The following RNF4 variants were observed in gnomAD, a reference collection of about 807,000 sequenced individuals.
RNF4 encodes E3 ubiquitin-protein ligase RNF4.
A neutral mutation model predicts 24.3 loss-of-function variants in RNF4; 7 were observed. That is an observed-to-expected ratio of 0.29 (90% CI 0.16 to 0.54). RNF4 has a LOEUF of 0.54. RNF4 is among the 20% of genes least tolerant of loss of function. The pLI is 0.95. For synonymous variants in RNF4, 83 were observed against 84.3 expected, an observed-to-expected ratio of 0.98 and a Z score of 0.09; for missense variants, 209 against 248.5, an observed-to-expected ratio of 0.84 and a Z score of 1.07.
At chr4:2,507,859 T>C (rs548656610) in intron 4 of RNF4, among the ~76,000 whole-genome samples, 3 of 152,212 alleles carry the variant, frequency 2.0e-5, no homozygotes, top group Non-Finnish European at 4.4e-5. Context: ...TTTTTTTTTT[T>C]CTTTTCTCTT....
chr4:2,492,313 G>A (rs182103120), intron 2 of RNF4, among the ~76,000 whole-genome samples: 199 of 152,258 alleles, frequency 1.3e-3, no homozygotes, highest in African/African-American at 4.6e-3. Flanking sequence ...CAGAGTGAGC[G>A]ACAATACCCA....
chr4:2,492,197 C>CAA (rs1211407930), intron 2 of RNF4, among the ~76,000 whole-genome samples: 2 of 122,294 alleles, frequency 1.6e-5, no homozygotes, highest in African/African-American at 6.1e-5. Context: ...GACTCCATCT[C>CAA]AAAAAAAAAA....
intron 1 of RNF4, among the ~76,000 whole-genome samples, chr4:2,483,944 AG>A (rs1735318807): frequency 6.6e-6 from 1 of 150,584 alleles, no homozygotes; most frequent in African/African-American, 2.4e-5. Flanking sequence ...CTCCTGCCTC[AG>A]GTTCCCGAGT....
chr4:2,476,512 C>T (rs1735079419), intron 1 of RNF4, among the ~76,000 whole-genome samples: 1 of 152,156 alleles, frequency 6.6e-6, no homozygotes, highest in Middle Eastern at 3.2e-3. Flanking sequence ...CCTGCCTCAG[C>T]CTCCTAAGGA....
rs752816338 is a variant in RNF4 at position 2,513,864 on chromosome 4, C to G, written c.*45C>G. ...GAGAGACGGATGGACAGACAGACAG[C>G]CAGGTTCTCCAGTGGTATCTGCCTC... is the stretch of plus-strand genomic sequence containing the variant. On this transcript the variant is annotated 3_prime_UTR_variant, in exon 8 of 8. Transcript: ENST00000314289. 1 of 1,610,018 alleles carries G rather than the reference C, an allele frequency of 6.2e-7. No individual in the cohort carries two copies. The highest frequency in any genetic ancestry group is 1.7e-5 in the Admixed American group (1 of 59,800).
At chr4:2,497,183 G>C in intron 3 of RNF4, 62 bp downstream of exon 3, 2 of 1,285,204 alleles carry the variant, frequency 1.6e-6, no homozygotes, top group Non-Finnish European at 2.2e-6. Context: ...CACTGTACCA[G>C]GGTGAGCTAG....
chr4:2,514,147 A>G lies in RNF4; in HGVS notation c.*328A>G, dbSNP rs370384434. The G allele has an allele frequency of 1.7e-4, 49 of 291,742 alleles. No individual in the cohort carries two copies. Among genetic ancestry groups the G allele is most frequent in the African/African-American group, 9.3e-4 (44 of 47,100 alleles). 18.1% of individuals were successfully genotyped at this position (291,742 alleles called of 1,614,324 possible). A position where few individuals can be genotyped will look rare whatever the true frequency, so the allele number is the denominator to read the frequency against. The stretch of plus-strand genomic sequence containing the variant: ...GCCAAGAAATTTTCCCTGTTTGGAA[A>G]GTTTGCCCCAGCTTTCCCGGGCACA... On this transcript the variant is annotated 3_prime_UTR_variant, in exon 8 of 8. Transcript: ENST00000314289.
At chr4:2,496,899 C>A in intron 2 of RNF4, 108 bp from the exon 3 acceptor site, 1 of 730,084 alleles carries the variant, frequency 1.4e-6, no homozygotes, top group Non-Finnish European at 2.2e-6. Context: ...TTCAAGTCTA[C>A]TCGCTGGCTT....
chr4:2,476,703 T>TC (rs1260391303), intron 1 of RNF4, among the ~76,000 whole-genome samples: 4 of 139,268 alleles, frequency 2.9e-5, no homozygotes, highest in Non-Finnish European at 6.2e-5. Flanking sequence ...TTTCTTTCTT[T>TC]CTTTTTTTTT....
At chr4:2,509,999 G>C (rs773389342) in intron 4 of RNF4, among the ~76,000 whole-genome samples, 40 of 152,192 alleles carry the variant, frequency 2.6e-4, no homozygotes, top group Non-Finnish European at 4.3e-4. Context: ...ACAGTACATT[G>C]TGCCGGCCCT....
At chr4:2,491,281 G>A (rs902905702) in intron 2 of RNF4, among the ~76,000 whole-genome samples, 2 of 152,332 alleles carry the variant, frequency 1.3e-5, no homozygotes, top group East Asian at 1.9e-4. Flanking sequence ...CTGTCACCCA[G>A]CCTGGAGTGC....
intron 3 of RNF4, among the ~76,000 whole-genome samples, chr4:2,498,952 T>C (rs1735824083): frequency 6.6e-6 from 1 of 151,982 alleles, no homozygotes; most frequent in Non-Finnish European, 1.5e-5. Context: ...ATCCCAGCAC[T>C]TTGGGAGGCC....
intron 2 of RNF4, among the ~76,000 whole-genome samples, chr4:2,496,062 T>C (rs1046041372): frequency 2.0e-5 from 3 of 152,210 alleles, no homozygotes; most frequent in African/African-American, 7.2e-5. Flanking sequence ...AGAGTGTCAG[T>C]TGCTTATCAA....
At chr4:2,500,311 C>A (rs1385025839) in intron 3 of RNF4, among the ~76,000 whole-genome samples, 1 of 152,132 alleles carries the variant, frequency 6.6e-6, no homozygotes, top group East Asian at 1.9e-4. Flanking sequence ...AAGAGAAAGG[C>A]CTGGGGCTGG....
At chr4:2,488,819 T>A (rs1168889714) in intron 1 of RNF4, among the ~76,000 whole-genome samples, 1 of 152,000 alleles carries the variant, frequency 6.6e-6, no homozygotes, top group African/African-American at 2.4e-5. Context: ...ATTTTTTATT[T>A]ATTTATTTAT....
chr4:2,486,373 G>A (rs1341417303), intron 1 of RNF4, among the ~76,000 whole-genome samples: 2 of 151,902 alleles, frequency 1.3e-5, no homozygotes, highest in Non-Finnish European at 1.5e-5. Context: ...GCATTTCTAC[G>A]TCCCCACCAC....
At chr4:2,478,783 G>A (rs895785400) in intron 1 of RNF4, among the ~76,000 whole-genome samples, 5 of 152,262 alleles carry the variant, frequency 3.3e-5, no homozygotes, top group African/African-American at 4.8e-5. Context: ...CGCTAGGGCA[G>A]TGTGGAAGGG....
At chr4:2,507,223 G>A (rs140033961) in intron 4 of RNF4, among the ~76,000 whole-genome samples, 2 of 152,150 alleles carry the variant, frequency 1.3e-5, no homozygotes, top group African/African-American at 4.8e-5. Context: ...AGGGAGGGAA[G>A]GAGGGAGGGA....
chr4:2,497,691 G>A (rs1395130493), intron 3 of RNF4, among the ~76,000 whole-genome samples: 1 of 152,178 alleles, frequency 6.6e-6, no homozygotes, highest in Non-Finnish European at 1.5e-5. Context: ...CTAGAGTGTA[G>A]TGGTGCAGTC....
Sources: gnomAD v4.1 joint callset for allele counts (sites outside exome capture counted in the v4.1 genomes callset) on GRCh38, gnomAD v4.1.1 for gene constraint, MANE v1.5 for transcripts, NCBI Gene and HGNC (gene_info 2026-07-23, HGNC 2026-07-21) for gene names.